SLC6A2: variants seen among roughly 807,000 people sequenced by gnomAD.
SLC6A2 encodes the protein solute carrier family 6 member 2, also known as sodium-dependent noradrenaline transporter.
In SLC6A2, 26 loss-of-function variants were observed where a neutral mutation model predicts 71.7. That is an observed-to-expected ratio of 0.36 (90% CI 0.27 to 0.50). The LOEUF is 0.50. Ranked by LOEUF, SLC6A2 falls within the 20% of genes least tolerant of loss-of-function variation. The probability of loss-of-function intolerance (pLI) is 0.96; values close to 1 mark genes in which losing one functional copy is unlikely to be tolerated. For synonymous variants in SLC6A2, 363 were observed against 337.9 expected (o/e 1.07, Z -0.82); for missense variants, 581 against 803.9 (o/e 0.72, Z 3.35).
At position 55,656,336 on chromosome 16, in the gene SLC6A2, C is replaced by T. The variant is rs1964446583; in HGVS notation, c.-52+167C>T. 1 of 385,520 alleles carries T rather than the reference C, an allele frequency of 2.6e-6. No individual in the cohort carries two copies. Among genetic ancestry groups the T allele is most frequent in the East Asian group, 6.3e-5 (1 of 15,854 alleles). 23.9% of individuals were successfully genotyped at this position (385,520 alleles called of 1,614,324 possible). A position where few individuals can be genotyped will look rare whatever the true frequency, so the allele number is the denominator to read the frequency against. On this transcript the variant is annotated intron_variant, in intron 1 of 14. Coordinates refer to ENST00000568943, the MANE Select transcript of SLC6A2 (RefSeq NM_001172501.3). The surrounding 1 kb of genome is among the most constrained non-coding windows in gnomAD (Gnocchi z 4.5). Reference sequence around the variant, plus strand: ...ACCTGAGCTGGGGAGGGGGTCGGCACGCTGCCCTCAGCCTCGGTGAGTTCA... The same window carrying T: ...ACCTGAGCTGGGGAGGGGGTCGGCATGCTGCCCTCAGCCTCGGTGAGTTCA...
intron 11 of SLC6A2, among the ~76,000 whole-genome samples, chr16:55,699,210 AGTT>A (rs1217424123): frequency 1.2e-4 from 19 of 152,146 alleles, no homozygotes; most frequent in African/African-American, 3.4e-4. Flanking sequence ...CTGTATGCAT[AGTT>A]GTTGTTATTT....
Position 55,703,831 on chromosome 16 carries a change from G to C in SLC6A2, c.*1485G>C. On this transcript the variant is annotated 3_prime_UTR_variant, in exon 15 of 15. Coordinates refer to ENST00000568943, the MANE Select transcript of SLC6A2 (RefSeq NM_001172501.3). ...AATTGGGGTGTTGTTGAGCCTGGTG[G>C]TTCCTGCATGAAGAGGATTATGAGG... 1.0e-6 allele frequency: 1 copy of C among 984,888 alleles called. No individual in the cohort carries two copies. Among genetic ancestry groups the C allele is most frequent in the Non-Finnish European group, 1.2e-6 (1 of 829,468 alleles). The allele number at this position is 984,888 out of a possible 1,614,324, so 61.0% of individuals were successfully genotyped here.
intron 4 of SLC6A2, among the ~76,000 whole-genome samples, chr16:55,682,687 G>A (rs1965312211): frequency 6.6e-6 from 1 of 152,178 alleles, no homozygotes; most frequent in Non-Finnish European, 1.5e-5. Flanking sequence ...AGAGCCACAG[G>A]AACTGGAAGA....
rs1330197795 is a variant in SLC6A2, at chr16:55,656,546, C to G, written c.-51-98C>G. 5.2e-6 allele frequency: 5 copies of G among 955,238 alleles called. No homozygotes were observed. Among genetic ancestry groups the G allele is most frequent in the Non-Finnish European group, 8.2e-6 (5 of 610,300 alleles). 59.2% of individuals were successfully genotyped at this position (955,238 alleles called of 1,614,324 possible). A position where few individuals can be genotyped will look rare whatever the true frequency, so the allele number is the denominator to read the frequency against. On this transcript the variant is annotated intron_variant, in intron 1 of 14. Transcript: ENST00000568943. This position sits in a 1 kb window ranked among gnomAD's most constrained non-coding sequence, Gnocchi z 4.5. ...GGGAACCCTGCGTCCGCTCAGCGCG[C>G]GCTCATCCCAGTGTCTAAGGCGCTC...
chr16:55,698,410 C>A, intron 10 of SLC6A2, 59 bp from the exon 11 acceptor site: 2 of 1,207,280 alleles, frequency 1.7e-6, no homozygotes, highest in South Asian at 1.2e-5. Flanking sequence ...ACAGACACAA[C>A]AATCAGTTCC....
intron 3 of SLC6A2, among the ~76,000 whole-genome samples, chr16:55,670,396 A>C (rs1312994246): frequency 6.6e-6 from 1 of 152,214 alleles, no homozygotes; most frequent in Non-Finnish European, 1.5e-5. Context: ...GAGTCTTATA[A>C]GACATGTGCA....
intron 2 of SLC6A2, among the ~76,000 whole-genome samples, chr16:55,661,490 G>T (rs1964608359): frequency 6.6e-6 from 1 of 152,106 alleles, no homozygotes; most frequent in Admixed American, 6.5e-5. Context: ...ACATAATAGG[G>T]GCTCCATAAA....
At position 55,702,747 on chromosome 16, in the gene SLC6A2, C is replaced by CCAAGA; in HGVS notation, c.*401_*402insCAAGA. ...TGGGCTTTTGATCAGATACCCCTCC[C>CCAAGA]AAAAAAAAAAAAAACTAAAACTAAA... is the stretch of plus-strand genomic sequence containing the variant. On this transcript the variant is annotated 3_prime_UTR_variant, in exon 15 of 15. Transcript: ENST00000568943. 1.1e-6 allele frequency: 1 copy of CCAAGA among 919,640 alleles called. No individual in the cohort carries two copies. The highest frequency in any genetic ancestry group is 2.3e-5 in the African/African-American group (1 of 44,012). 57.0% of individuals were successfully genotyped at this position (919,640 alleles called of 1,614,324 possible). A position where few individuals can be genotyped will look rare whatever the true frequency, so the allele number is the denominator to read the frequency against.
At position 55,672,052 on chromosome 16, in the gene SLC6A2, C is replaced by T. The variant is rs1964936243; in HGVS notation, c.521C>T (p.Thr174Ile). The T allele has an allele frequency of 6.2e-7, 1 of 1,614,192 alleles. No homozygotes were observed. Among genetic ancestry groups the T allele is most frequent in the Non-Finnish European group, 8.5e-7 (1 of 1,180,030 alleles). ...FSSFTLNLPW[T>I]DCGHTWNSPN... Reference sequence around the variant, plus strand: ...TCCTTCACCCTCAACCTGCCCTGGACCGACTGTGGCCACACCTGGAACAGC... The same window carrying T: ...TCCTTCACCCTCAACCTGCCCTGGATCGACTGTGGCCACACCTGGAACAGC... The change falls in exon 4 of 15, where the codon ACC becomes ATC. Residue 174 changes from threonine (T) to isoleucine (I), a missense_variant. Thr to Ile is a moderately conservative substitution (Grantham distance 89). Coordinates refer to ENST00000568943, the MANE Select transcript of SLC6A2 (RefSeq NM_001172501.3).
chr16:55,703,407 G>C lies in SLC6A2; in HGVS notation c.*1061G>C. On this transcript the variant is annotated 3_prime_UTR_variant, in exon 15 of 15. Transcript: ENST00000568943. Reference sequence around the variant, plus strand: ...GACCAGGGGTCTTGAGAAATGGAGAGTTGGCTGCAAAAACTCTCATGCACT... The same window carrying C: ...GACCAGGGGTCTTGAGAAATGGAGACTTGGCTGCAAAAACTCTCATGCACT... 1 of 985,444 alleles carries C rather than the reference G, an allele frequency of 1.0e-6. No homozygotes were observed. Among genetic ancestry groups the C allele is most frequent in the Non-Finnish European group, 1.2e-6 (1 of 829,960 alleles). The allele number at this position is 985,444 out of a possible 1,614,324, so 61.0% of individuals were successfully genotyped here.
Position 55,703,739 on chromosome 16 carries a change from G to A in SLC6A2, c.*1393G>A, listed in dbSNP as rs979319786. 37 of 985,390 alleles carry A rather than the reference G, an allele frequency of 3.8e-5. No individual in the cohort carries two copies. The African/African-American group carries it at 4.7e-4, about 13-fold the overall frequency. 61.0% of individuals were successfully genotyped at this position (985,390 alleles called of 1,614,324 possible). A position where few individuals can be genotyped will look rare whatever the true frequency, so the allele number is the denominator to read the frequency against. ...TCTTATTCTGACTGTGGGAGCTCCTGTTGCGGGATCTTGGGAAAAAATAAA... is the reference window on the plus strand; with the variant it reads ...TCTTATTCTGACTGTGGGAGCTCCTATTGCGGGATCTTGGGAAAAAATAAA... On this transcript the variant is annotated 3_prime_UTR_variant, in exon 15 of 15. Transcript: ENST00000568943.
At chr16:55,670,144 C>T (rs1459806315) in intron 3 of SLC6A2, among the ~76,000 whole-genome samples, 1 of 152,230 alleles carries the variant, frequency 6.6e-6, no homozygotes, top group Non-Finnish European at 1.5e-5. Context: ...ATGAAGCCTA[C>T]TTGCATTTGG....
intron 4 of SLC6A2, among the ~76,000 whole-genome samples, chr16:55,683,312 C>T (rs1172261061): frequency 6.6e-6 from 1 of 152,020 alleles, no homozygotes; most frequent in African/African-American, 2.4e-5. Context: ...GTTTGTTTTT[C>T]TTACTTATAA....
rs776169724 is a variant in SLC6A2 at position 55,656,936 on chromosome 16, G to A, written c.242G>A (p.Arg81His). 6.2e-7 allele frequency: 1 copy of A among 1,613,840 alleles called. No individual in the cohort carries two copies. Among genetic ancestry groups the A allele is most frequent in the Non-Finnish European group, 8.5e-7 (1 of 1,179,880 alleles). ...GFAVDLANVWRFPYLCYKNGG... is the reference protein window; with the variant it reads ...GFAVDLANVWHFPYLCYKNGG... ...GCAGTGGACCTGGCCAACGTGTGGC[G>A]CTTCCCCTACCTCTGCTACAAGAAC... is the stretch of plus-strand genomic sequence containing the variant. Residue 81 changes from arginine to histidine, a missense_variant, in exon 2 of 15, where the codon CGC (arginine) becomes CAC (histidine). By Grantham distance (29) the Arg-to-His change is conservative (BLOSUM62 0). Transcript: ENST00000568943. This position sits in a 1 kb window ranked among gnomAD's most constrained non-coding sequence, Gnocchi z 4.5.
intron 2 of SLC6A2, among the ~76,000 whole-genome samples, chr16:55,662,297 G>A (rs1240601635): frequency 6.6e-6 from 1 of 152,168 alleles, no homozygotes; most frequent in African/African-American, 2.4e-5. Flanking sequence ...AAAGGCCCCA[G>A]GGCTTTCATT....
At chr16:55,680,013 C>T (rs556209630) in intron 4 of SLC6A2, among the ~76,000 whole-genome samples, 1 of 152,326 alleles carries the variant, frequency 6.6e-6, no homozygotes, top group East Asian at 1.9e-4. Context: ...CAGCATCTCC[C>T]TCCTCTCCAG....
chr16:55,689,162 T>A (rs1965540400), intron 5 of SLC6A2, among the ~76,000 whole-genome samples: 2 of 152,178 alleles, frequency 1.3e-5, no homozygotes, highest in South Asian at 2.1e-4. Context: ...CCCAAGCCTT[T>A]CTTCTGTTTA....
At position 55,702,463 on chromosome 16, in the gene SLC6A2, T is replaced by C; in HGVS notation, c.*117T>C. The stretch of plus-strand genomic sequence containing the variant: ...CTCCCCTGGAAGTTGTCCTTTCTGA[T>C]CCTCTCTTCTTTTCCCATTTACAAA... On this transcript the variant is annotated 3_prime_UTR_variant, in exon 15 of 15. Transcript: ENST00000568943. 1 of 1,589,980 alleles carries C rather than the reference T, an allele frequency of 6.3e-7. No homozygotes were observed. The highest frequency in any genetic ancestry group is 8.6e-7 in the Non-Finnish European group (1 of 1,167,456).
rs1399251418 is a variant in SLC6A2, at chr16:55,700,219, G to A, written c.1671G>A (p.Val557=). ...DYIFPPWANW[V]GWGIALSSMV... is the part of the protein sequence containing the mutation. ...TCTTCCCGCCCTGGGCCAACTGGGT[G>A]GGGTGGGGCATCGCCCTGTCCTCCA... The change falls in exon 13 of 15, where the codon GTG becomes GTA. Residue 557 remains valine (V), a synonymous_variant. Coordinates refer to ENST00000568943, the MANE Select transcript of SLC6A2 (RefSeq NM_001172501.3). 5.6e-6 allele frequency: 9 copies of A among 1,613,914 alleles called. No homozygotes were observed. The highest frequency in any genetic ancestry group is 2.2e-5 in the East Asian group (1 of 44,868).
Sources: gnomAD v4.1 joint callset for allele counts (sites outside exome capture counted in the v4.1 genomes callset) on GRCh38, gnomAD v4.1.1 for gene constraint, Gnocchi (gnomAD v3.1) non-coding constraint, MANE v1.5 for transcripts, NCBI Gene and HGNC (gene_info 2026-07-23, HGNC 2026-07-21) for gene names.